ATP11C: variants seen among roughly 807,000 people sequenced by gnomAD.
ATP11C encodes the protein ATPase phospholipid transporting 11C (ATP11C blood group), also known as phospholipid-transporting ATPase IG.
In ATP11C, 36 loss-of-function variants were observed where a neutral mutation model predicts 97.4. The ratio of observed to expected loss-of-function variants is 0.37; its 90% CI spans 0.28 to 0.49. The LOEUF is 0.49. Among genes scored for constraint, ATP11C ranks in the 20% least tolerant of loss-of-function variants. The pLI, the probability that ATP11C is intolerant of heterozygous loss-of-function variation, is 0.98. For synonymous variants in ATP11C, 275 were observed against 290.9 expected (o/e 0.95, Z 0.56); for missense variants, 730 against 824.6 (o/e 0.89, Z 1.40).
intron 1 of ATP11C, among the ~76,000 whole-genome samples, chrX:139,916,915 A>C (rs757948912): frequency 9.0e-6 from 1 of 111,495 alleles, no homozygotes; most frequent in Non-Finnish European, 1.9e-5. Flanking sequence ...TGGCGTAAAG[A>C]CAGACACACA....
intron 23 of ATP11C, among the ~76,000 whole-genome samples, chrX:139,756,854 G>A (rs1421164746): frequency 9.3e-6 from 1 of 107,389 alleles, no homozygotes; most frequent in Non-Finnish European, 1.9e-5. Flanking sequence ...GGATCAAAAA[G>A]CTACCTATCA....
At chrX:139,851,176 G>A (rs758050076) in intron 1 of ATP11C, among the ~76,000 whole-genome samples, 16 of 111,151 alleles carry the variant, frequency 1.4e-4, no homozygotes, top group Non-Finnish European at 2.8e-4. Flanking sequence ...GACAGACCTG[G>A]GGCATACTCC....
upstream of ATP11C, among the ~76,000 whole-genome samples, chrX:139,934,763 G>A (rs1347923049): frequency 9.1e-6 from 1 of 110,215 alleles, no homozygotes; most frequent in Non-Finnish European, 1.9e-5. Flanking sequence ...ATCTTGCCCA[G>A]GTCTCGATCT....
rs1446151211 is a variant in ATP11C, at chrX:139,783,265, C to T, written c.1669G>A (p.Asp557Asn). The T allele has an allele frequency of 8.5e-6, 10 of 1,176,436 alleles. No homozygotes were observed. The South Asian group carries it at 1.6e-4, about 19-fold the overall frequency. Residue 557 changes from aspartate (D) to asparagine (N), a missense_variant and splice_region_variant, in exon 17 of 30, where the codon GAC becomes AAC. By Grantham distance (23) the Asp-to-Asn change is conservative (BLOSUM62 1). Transcript: ENST00000682941. ...MSVIVKTQEG[D>N]ILLFCKGADS... ...GCTCCTTTACAAAAGAGAAGTATGT[C>T]TCCTAAAATAAAGAACCATAGTACT...
Position 139,742,873 on chromosome X carries a change from AAAAATATATATAT to A in ATP11C, c.3030+673_3030+685del, listed in dbSNP as rs1356784578. Reference sequence around the variant, plus strand: ...ATATTTATTTTTAAATTAAAAAAAAAAAAATATATATATATATATATATATATATATATATATA... The same window carrying A: ...ATATTTATTTTTAAATTAAAAAAAAAATATATATATATATATATATATATA... On this transcript the variant is annotated intron_variant, in intron 26 of 29. Transcript: ENST00000682941. 8.4e-3 allele frequency among the ~76,000 whole-genome samples: 222 copies of A among 26,375 alleles called. 1 individual carries two copies. Among genetic ancestry groups the A allele is most frequent in the South Asian group, 0.055 (14 of 255 alleles). The allele number at this position is 26,375 out of a possible 115,157, so 22.9% of individuals were successfully genotyped here.
chrX:139,832,376 C>T (rs2083670638), intron 1 of ATP11C: 1 of 956,077 alleles, frequency 1.0e-6, no homozygotes, highest in Non-Finnish European at 1.4e-6. Context: ...CATCAGATGA[C>T]AGTCTATTCC....
intron 29 of ATP11C, among the ~76,000 whole-genome samples, chrX:139,730,117 A>G (rs1008127786): frequency 2.7e-5 from 3 of 111,966 alleles, no homozygotes; most frequent in Admixed American, 9.5e-5. Context: ...ATGAAAATCT[A>G]TTCCTGGAAG....
At chrX:139,807,760 G>A (rs1603379212) in intron 5 of ATP11C, among the ~76,000 whole-genome samples, 2 of 110,165 alleles carry the variant, frequency 1.8e-5, no homozygotes, top group African/African-American at 3.3e-5. Context: ...GACCAGCCTC[G>A]GCAACTTAAC....
At position 139,910,602 on chromosome X, in the gene ATP11C, T is replaced by C. The variant is rs2085058115; in HGVS notation, c.27+21414A>G. ...GCCTGGGTGACAGAGTGAGACTCTG[T>C]CTCAAAAAAAAAAAAAGAATTATGG... is the stretch of plus-strand genomic sequence containing the variant. On this transcript the variant is annotated intron_variant, in intron 1 of 29. Coordinates refer to ENST00000682941, the MANE Select transcript of ATP11C (RefSeq NM_001353812.2). 4.8e-5 allele frequency among the ~76,000 whole-genome samples: 5 copies of C among 103,952 alleles called. No individual in the cohort carries two copies. In the Admixed American group the frequency reaches 5.2e-4, roughly 11 times the overall value. 90.3% of individuals were successfully genotyped at this position (103,952 alleles called of 115,157 possible).
intron 22 of ATP11C, among the ~76,000 whole-genome samples, chrX:139,760,669 T>A (rs775639452): frequency 1.8e-5 from 2 of 111,699 alleles, no homozygotes; most frequent in Non-Finnish European, 3.8e-5. Flanking sequence ...ATAACAAGTA[T>A]GCAGACTCAG....
intron 1 of ATP11C, among the ~76,000 whole-genome samples, chrX:139,907,011 T>C (rs2043093794): frequency 9.0e-6 from 1 of 111,489 alleles, no homozygotes; most frequent in South Asian, 3.8e-4. Context: ...CATTTGGGGA[T>C]TTATTCAAAT....
chrX:139,763,769 A>G (rs772741836), intron 20 of ATP11C, among the ~76,000 whole-genome samples: 1 of 111,986 alleles, frequency 8.9e-6, no homozygotes, highest in South Asian at 3.7e-4. Context: ...TTCAATCCAC[A>G]GTTGTTTGGA....
chrX:139,799,321 T>C (rs1452178903), intron 8 of ATP11C, among the ~76,000 whole-genome samples: 1 of 111,778 alleles, frequency 8.9e-6, no homozygotes, highest in Non-Finnish European at 1.9e-5. Flanking sequence ...ACAATTCGTA[T>C]ACATAAAACA....
intron 10 of ATP11C, 95 bp downstream of exon 10, chrX:139,798,178 T>C (rs1419218075): frequency 4.1e-6 from 3 of 722,903 alleles, no homozygotes; most frequent in East Asian, 6.7e-5. Flanking sequence ...GCTATTATAA[T>C]TGATGTTGTT....
At chrX:139,772,184 G>A (rs750906949) in intron 19 of ATP11C, among the ~76,000 whole-genome samples, 234 of 112,764 alleles carry the variant, frequency 2.1e-3, no homozygotes, top group African/African-American at 7.3e-3. Context: ...GCTTCAGAGG[G>A]TGGAAGCCCC....
intron 1 of ATP11C, among the ~76,000 whole-genome samples, chrX:139,915,356 G>A (rs2085139210): frequency 9.0e-6 from 1 of 111,613 alleles, no homozygotes; most frequent in African/African-American, 3.3e-5. Context: ...AAAACACATA[G>A]ACAAAAAGTT....
intron 1 of ATP11C, among the ~76,000 whole-genome samples, chrX:139,871,781 C>T (rs1296710609): frequency 2.7e-5 from 3 of 111,091 alleles, no homozygotes; most frequent in Non-Finnish European, 5.7e-5. Flanking sequence ...CTGCCCACCT[C>T]GGCCTCCCAA....
intron 1 of ATP11C, among the ~76,000 whole-genome samples, chrX:139,918,526 G>T (rs906278130): frequency 2.2e-5 from 2 of 91,996 alleles, no homozygotes; most frequent in Admixed American, 2.4e-4. Context: ...GGAGGCTGAG[G>T]CAGGAGAATT....
rs147448787 is a variant in ATP11C at position 139,826,016 on chromosome X, G to A, written c.147+688C>T. 1.2e-4 allele frequency among the ~76,000 whole-genome samples: 13 copies of A among 112,150 alleles called. 1 individual carries two copies. The East Asian group carries it at 3.4e-3, about 29-fold the overall frequency. ...CACCAACGAGGACATTTAGAATCGG[G>A]GCGATTAATTTGACCAAGGTGACAC... is the stretch of plus-strand genomic sequence containing the variant. On this transcript the variant is annotated intron_variant, in intron 2 of 29. Coordinates refer to ENST00000682941, the MANE Select transcript of ATP11C (RefSeq NM_001353812.2).
Sources: allele counts gnomAD v4.1 joint callset (sites outside exome capture counted in the v4.1 genomes callset), GRCh38; gene constraint gnomAD v4.1.1; transcripts MANE v1.5; gene names NCBI Gene and HGNC (gene_info 2026-07-23, HGNC 2026-07-21).